The following RERE variants were observed in gnomAD, a reference collection of about 807,000 sequenced individuals.
RERE encodes the protein arginine-glutamic acid dipeptide repeats protein.
A neutral mutation model predicts 146.1 loss-of-function variants in RERE; 40 were observed. The ratio of observed to expected loss-of-function variants is 0.27; its 90% CI spans 0.21 to 0.36. The LOEUF (loss-of-function observed/expected upper bound fraction) is 0.36, where lower values mean the gene tolerates loss of function less well. Ranked by LOEUF, RERE falls within the 10% of genes least tolerant of loss-of-function variation. The pLI, the probability that RERE is intolerant of heterozygous loss-of-function variation, is 1.00. For synonymous variants in RERE, 1,003 were observed against 866.0 expected, an observed-to-expected ratio of 1.16 and a Z score of -2.78; for missense variants, 1,933 against 2,138.7, an observed-to-expected ratio of 0.90 and a Z score of 1.90.
At chr1:8,359,534 C>T (rs940566547) in intron 19 of RERE, among the ~76,000 whole-genome samples, 3 of 151,758 alleles carry the variant, frequency 2.0e-5, no homozygotes, top group Non-Finnish European at 2.9e-5. Flanking sequence ...TAGGAGGACG[C>T]ACAGTCACTG....
rs143625643 is a variant in RERE, at chr1:8,452,666, A to G, written c.1203+13259T>C. The stretch of plus-strand genomic sequence containing the variant: ...AATTATGAGAGCAAACAGTGGATAC[A>G]ACGGTCTCAAACATCCAGCAGAGCC... On this transcript the variant is annotated intron_variant, in intron 11 of 22. Coordinates refer to ENST00000400908, the MANE Select transcript of RERE (RefSeq NM_001042681.2). 3.3e-4 allele frequency among the ~76,000 whole-genome samples: 50 copies of G among 152,382 alleles called. 1 individual carries two copies. The East Asian group carries it at 7.7e-3, about 23-fold the overall frequency.
At chr1:8,489,501 T>A (rs565901507) in intron 10 of RERE, among the ~76,000 whole-genome samples, 88 of 151,848 alleles carry the variant, frequency 5.8e-4, no homozygotes, top group Non-Finnish European at 1.0e-3. Flanking sequence ...GTAAAACAAA[T>A]TTTTTTAAGT....
At chr1:8,771,909 C>CAAAAAAA (rs768264978) in intron 1 of RERE, among the ~76,000 whole-genome samples, 1 of 59,446 alleles carries the variant, frequency 1.7e-5, no homozygotes, top group Non-Finnish European at 3.6e-5. Context: ...GACTCTGTCT[C>CAAAAAAA]AAAAAAAAAA....
In RERE at chr1:8,815,829, T is replaced by TTGTGTGTGTGTGTGTGTGTG. The variant is rs539845789; in HGVS notation, c.-145+1330_-145+1331insCACACACACACACACACACA. Among the ~76,000 whole-genome samples, 70 of 149,960 alleles carry TTGTGTGTGTGTGTGTGTGTG rather than the reference T, an allele frequency of 4.7e-4. 1 individual carries two copies. Among genetic ancestry groups the TTGTGTGTGTGTGTGTGTGTG allele is most frequent in the Admixed American group, 1.1e-3 (17 of 15,050 alleles). On this transcript the variant is annotated intron_variant, in intron 1 of 22. Transcript: ENST00000400908. ...AGAACAATGAGCCCTCAGCTTGGTA[T>TTGTGTGTGTGTGTGTGTGTG]TGTGTGTGTGTGTATGTGTGTGTGT...
At chr1:8,467,330 A>G (rs1264240365) in intron 10 of RERE, among the ~76,000 whole-genome samples, 1 of 152,242 alleles carries the variant, frequency 6.6e-6, no homozygotes, top group African/African-American at 2.4e-5. Context: ...ACAAATTGGT[A>G]CAGATACAAA....
intron 12 of RERE, among the ~76,000 whole-genome samples, chr1:8,366,916 C>CA (rs5772317): frequency 3.9e-4 from 42 of 107,666 alleles, no homozygotes; most frequent in Admixed American, 1.2e-3. Flanking sequence ...AAAAAAAAAA[C>CA]AAAAAAAAAA....
At chr1:8,399,825 T>C (rs1378093378) in intron 12 of RERE, among the ~76,000 whole-genome samples, 1 of 151,998 alleles carries the variant, frequency 6.6e-6, no homozygotes, top group African/African-American at 2.4e-5. Flanking sequence ...AAATAAAGAA[T>C]TTGCATATCA....
At chr1:8,774,514 C>G (rs1461836164) in intron 1 of RERE, among the ~76,000 whole-genome samples, 1 of 151,768 alleles carries the variant, frequency 6.6e-6, no homozygotes, top group East Asian at 1.9e-4. Flanking sequence ...CCACCACGCC[C>G]GGCTAATTTT....
intron 6 of RERE, among the ~76,000 whole-genome samples, chr1:8,554,979 T>G (rs1645988541): frequency 6.6e-6 from 1 of 152,258 alleles, no homozygotes; most frequent in African/African-American, 2.4e-5. Flanking sequence ...CAAGTGAGCT[T>G]AAGCTTGGAA....
Position 8,360,515 on chromosome 1 carries a change from G to T in RERE, c.2992C>A (p.Pro998Thr). Residue 998 changes from proline to threonine, a missense_variant, in exon 18 of 23, where the codon CCC becomes ACC. Pro to Thr is a conservative substitution (Grantham distance 38). This residue lies in a region of RERE where 1,255 missense variants were observed against 1,153.8 expected (regional missense o/e 1.09). Coordinates refer to ENST00000400908, the MANE Select transcript of RERE (RefSeq NM_001042681.2). The stretch of plus-strand genomic sequence containing the variant: ...CCGGGGGGCTGGGCGGGCGAGGAGG[G>T]CAATGGCTGGCTCTGAGGCATGAGT... The part of the protein sequence containing the change: ...LQLMPQSQPL[P>T]SSPAQPPGLT... 2 of 1,215,072 alleles carry T rather than the reference G, an allele frequency of 1.6e-6. No individual in the cohort carries two copies. The highest frequency in any genetic ancestry group is 2.1e-6 in the Non-Finnish European group (2 of 938,970). 75.3% of individuals were successfully genotyped at this position (1,215,072 alleles called of 1,614,324 possible).
chr1:8,461,294 G>T (rs1644522917), intron 11 of RERE, among the ~76,000 whole-genome samples: 1 of 151,764 alleles, frequency 6.6e-6, no homozygotes, highest in Non-Finnish European at 1.5e-5. Flanking sequence ...TTCCTGAAAA[G>T]GAACAGTATT....
intron 12 of RERE, among the ~76,000 whole-genome samples, chr1:8,382,082 A>G (rs887770681): frequency 1.3e-5 from 2 of 152,242 alleles, no homozygotes; most frequent in Non-Finnish European, 2.9e-5. Context: ...ACAGGACCAA[A>G]GCTCAAAAGC....
At chr1:8,815,338 C>T (rs1469832440) in intron 1 of RERE, among the ~76,000 whole-genome samples, 1 of 152,146 alleles carries the variant, frequency 6.6e-6, no homozygotes, top group Non-Finnish European at 1.5e-5. Context: ...CTCAATACAA[C>T]CTTTATAATA....
chr1:8,706,113 CAAAAAAAAAAA>C (rs61016240), intron 1 of RERE, among the ~76,000 whole-genome samples: 6 of 69,190 alleles, frequency 8.7e-5, no homozygotes, highest in South Asian at 5.4e-4. Flanking sequence ...ACTCCGTCTC[CAAAAAAAAAAA>C]AAAAAAAAAA....
intron 1 of RERE, among the ~76,000 whole-genome samples, chr1:8,763,984 T>C (rs1569742342): frequency 6.6e-6 from 1 of 150,578 alleles, no homozygotes; most frequent in African/African-American, 2.4e-5. Context: ...GAAGTGAAGG[T>C]GCTAGTTGAC....
At chr1:8,725,833 A>G (rs1013970403) in intron 1 of RERE, among the ~76,000 whole-genome samples, 1 of 152,210 alleles carries the variant, frequency 6.6e-6, no homozygotes, top group Non-Finnish European at 1.5e-5. Flanking sequence ...TGATAGGCAT[A>G]ATAGGCTCTG....
At chr1:8,558,531 G>A (rs1363081288) in intron 4 of RERE, among the ~76,000 whole-genome samples, 1 of 152,176 alleles carries the variant, frequency 6.6e-6, no homozygotes, top group Non-Finnish European at 1.5e-5. Flanking sequence ...ATGAATGAGA[G>A]CTAAAATTCA....
At chr1:8,601,272 CCTCCCAA>C (rs1411015667) in intron 4 of RERE, among the ~76,000 whole-genome samples, 13 of 152,078 alleles carry the variant, frequency 8.5e-5, no homozygotes, top group African/African-American at 3.1e-4. Flanking sequence ...CCCTCCTCAG[CCTCCCAA>C]AGTGCTGGGA....
At chr1:8,706,368 G>A (rs1422928903) in intron 1 of RERE, among the ~76,000 whole-genome samples, 1 of 152,000 alleles carries the variant, frequency 6.6e-6, no homozygotes, top group Non-Finnish European at 1.5e-5. Flanking sequence ...ATTGTGCCTG[G>A]GGTTACTCAA....
Sources: allele counts gnomAD v4.1 joint callset (sites outside exome capture counted in the v4.1 genomes callset), GRCh38; gene constraint gnomAD v4.1.1; regional missense constraint gnomAD v4.1.1; transcripts MANE v1.5; gene names NCBI Gene and HGNC (gene_info 2026-07-23, HGNC 2026-07-21).